The following HNRNPF variants were observed in gnomAD, a reference collection of about 807,000 sequenced individuals.
The protein encoded by HNRNPF is heterogeneous nuclear ribonucleoprotein F.
Under a neutral mutation model 26.0 loss-of-function variants are expected in HNRNPF, and 2 were observed. That is an observed-to-expected ratio of 0.08 (90% CI 0.03 to 0.24). The LOEUF (loss-of-function observed/expected upper bound fraction) is 0.24. HNRNPF is among the 10% of genes least tolerant of loss of function. HNRNPF has a pLI of 1.00. For synonymous variants in HNRNPF, 234 were observed against 211.5 expected (o/e 1.11, Z -0.92); for missense variants, 299 against 539.2 (o/e 0.55, Z 4.41).
At chr10:43,391,093 A>G (rs10899798) in intron 3 of HNRNPF, among the ~76,000 whole-genome samples, 52,434 of 151,892 alleles carry the variant, frequency 0.35, 10,756 homozygotes, top group African/African-American at 0.58. Context: ...ACCACTTGAG[A>G]TCATGAGTTC....
In HNRNPF at chr10:43,396,450, A is replaced by G. The variant is rs1187942876; in HGVS notation, c.-112+6T>C. 6 of 152,166 alleles carry G rather than the reference A, an allele frequency of 3.9e-5. No individual in the cohort carries two copies. Among genetic ancestry groups the G allele is most frequent in the Admixed American group, 3.9e-4 (6 of 15,282 alleles). The allele number at this position is 152,166 out of a possible 1,614,324, so 9.4% of individuals were successfully genotyped here. A position where few individuals can be genotyped will look rare whatever the true frequency, so the allele number is the denominator to read the frequency against. ...GGGCCCGCGGACTTTCATGCTCTAG[A>G]CTTACCACGGAGGCGAGCAGGACTG... On this transcript the variant is annotated splice_donor_region_variant and intron_variant, in intron 2 of 3. Transcript: ENST00000682386.
At chr10:43,397,931 T>G (rs752251256) in intron 1 of HNRNPF, among the ~76,000 whole-genome samples, 2 of 152,254 alleles carry the variant, frequency 1.3e-5, no homozygotes, top group African/African-American at 4.8e-5. Context: ...AAACAAGATG[T>G]GCTATGAACT....
At chr10:43,405,213 C>T (rs1838875621) in intron 1 of HNRNPF, among the ~76,000 whole-genome samples, 3 of 152,160 alleles carry the variant, frequency 2.0e-5, no homozygotes, top group South Asian at 2.1e-4. Context: ...TACAATGAAT[C>T]ATGTTTCCTT....
intron 1 of HNRNPF, among the ~76,000 whole-genome samples, chr10:43,405,273 A>G (rs1470716845): frequency 6.6e-6 from 1 of 152,242 alleles, no homozygotes; most frequent in Non-Finnish European, 1.5e-5. Flanking sequence ...TTATATTTCT[A>G]TTGGACAGTG....
chr10:43,406,010 A>C (rs1399083774), intron 1 of HNRNPF, among the ~76,000 whole-genome samples: 1 of 152,078 alleles, frequency 6.6e-6, no homozygotes, highest in Non-Finnish European at 1.5e-5. Context: ...TGGACACATG[A>C]CTTCTCCCAA....
chr10:43,387,968 T>C lies in HNRNPF; in HGVS notation c.-52-32A>G. ...AAAAAAAAAAGAAAAATTTATTTAG[T>C]ATGCAACAGAAATTTTCCCCATTTT... On this transcript the variant is annotated intron_variant, in intron 3 of 3. Transcript: ENST00000682386. This position sits in a 1 kb window ranked among gnomAD's most constrained non-coding sequence, Gnocchi z 6.0. 8.4e-7 allele frequency: 1 copy of C among 1,194,046 alleles called. No homozygotes were observed. Among genetic ancestry groups the C allele is most frequent in the Non-Finnish European group, 1.2e-6 (1 of 854,406 alleles). 74.0% of individuals were successfully genotyped at this position (1,194,046 alleles called of 1,614,324 possible).
intron 1 of HNRNPF, chr10:43,407,879 C>T (rs1838981209): frequency 6.6e-6 from 1 of 152,162 alleles, no homozygotes; most frequent in African/African-American, 2.4e-5. Flanking sequence ...CTCTCAGGCG[C>T]CTGCAGCCAC....
At chr10:43,391,170 G>A (rs1838228643) in intron 3 of HNRNPF, among the ~76,000 whole-genome samples, 1 of 152,074 alleles carries the variant, frequency 6.6e-6, no homozygotes, top group African/African-American at 2.4e-5. Flanking sequence ...GTGGGCACCT[G>A]TAGTCCCAGC....
intron 1 of HNRNPF, among the ~76,000 whole-genome samples, chr10:43,405,349 A>C (rs1204562743): frequency 1.3e-5 from 2 of 152,126 alleles, no homozygotes; most frequent in Non-Finnish European, 2.9e-5. Flanking sequence ...ACTCAAACCA[A>C]CCAGCTGTTT....
intron 1 of HNRNPF, among the ~76,000 whole-genome samples, chr10:43,398,059 ACT>A (rs755406468): frequency 5.9e-5 from 9 of 152,002 alleles, no homozygotes; most frequent in Non-Finnish European, 1.2e-4. Flanking sequence ...CACAGTTTTC[ACT>A]CTGTCACCCA....
Position 43,391,600 on chromosome 10 carries a change from A to G in HNRNPF, c.-53+3030T>C, listed in dbSNP as rs940927129. Among the ~76,000 whole-genome samples the G allele has an allele frequency of 2.6e-5, 4 of 151,646 alleles. No individual in the cohort carries two copies. The East Asian group carries it at 7.8e-4, about 29-fold the overall frequency. ...TCAGATGTCTGGGGCAGCCTTACAG[A>G]CTCTCACCTCCTCTCCAGCTGGTTG... On this transcript the variant is annotated intron_variant, in intron 3 of 3. Coordinates refer to ENST00000682386, the MANE Select transcript of HNRNPF (RefSeq NM_001098204.2).
At chr10:43,389,085 C>T (rs1423774142) in intron 3 of HNRNPF, among the ~76,000 whole-genome samples, 2 of 150,314 alleles carry the variant, frequency 1.3e-5, no homozygotes, top group African/African-American at 4.9e-5. Context: ...ATTCTCCTGT[C>T]TCAGCCTCCT....
intron 1 of HNRNPF, among the ~76,000 whole-genome samples, chr10:43,400,209 G>A (rs1007958760): frequency 9.2e-5 from 14 of 151,428 alleles, no homozygotes; most frequent in African/African-American, 3.2e-4. Flanking sequence ...AAAAACTGAG[G>A]GAAAAAAAAG....
At chr10:43,399,223 C>T (rs1270682455) in intron 1 of HNRNPF, among the ~76,000 whole-genome samples, 1 of 152,130 alleles carries the variant, frequency 6.6e-6, no homozygotes, top group Admixed American at 6.6e-5. Flanking sequence ...GCTGGGACCA[C>T]AGGTGCATGC....
chr10:43,398,443 C>T (rs577390563), intron 1 of HNRNPF, among the ~76,000 whole-genome samples: 6 of 150,106 alleles, frequency 4.0e-5, no homozygotes, highest in African/African-American at 9.9e-5. Context: ...CAGGTTCAAG[C>T]GATTCTCCTG....
chr10:43,392,463 T>C (rs1472599227), intron 3 of HNRNPF, among the ~76,000 whole-genome samples: 1 of 152,156 alleles, frequency 6.6e-6, no homozygotes, highest in Non-Finnish European at 1.5e-5. Flanking sequence ...CGCTTGGACC[T>C]GGAAGGCAGA....
intron 3 of HNRNPF, among the ~76,000 whole-genome samples, chr10:43,392,971 G>A (rs940711746): frequency 6.6e-6 from 1 of 152,160 alleles, no homozygotes; most frequent in African/African-American, 2.4e-5. Context: ...TGCACCCAGA[G>A]GCTCTAGAAG....
chr10:43,401,327 G>T (rs549617700), intron 1 of HNRNPF, among the ~76,000 whole-genome samples: 1 of 152,258 alleles, frequency 6.6e-6, no homozygotes. Context: ...AAAGCATCAA[G>T]AGTAGTATAA....
chr10:43,395,704 G>T (rs776753155), intron 2 of HNRNPF, among the ~76,000 whole-genome samples: 1 of 152,156 alleles, frequency 6.6e-6, no homozygotes, highest in Non-Finnish European at 1.5e-5. Flanking sequence ...CTTGTTCAAG[G>T]ATCTAAAGGG....
Sources: allele counts gnomAD v4.1 joint callset (sites outside exome capture counted in the v4.1 genomes callset), GRCh38; gene constraint gnomAD v4.1.1; non-coding constraint Gnocchi (gnomAD v3.1); transcripts MANE v1.5; gene names NCBI Gene and HGNC (gene_info 2026-07-23, HGNC 2026-07-21).